TBC1D23: variants seen among roughly 807,000 people sequenced by gnomAD.
TBC1D23 encodes the protein HCV non-structural protein 4A-transactivated protein 1.
A neutral mutation model predicts 91.4 loss-of-function variants in TBC1D23; 55 were observed. The observed-to-expected ratio is 0.60, with a 90% CI of 0.48 to 0.75. TBC1D23 has a LOEUF of 0.75. Among genes scored for constraint, TBC1D23 ranks in the 30% least tolerant of loss-of-function variants. The pLI is 0.00. For synonymous variants in TBC1D23, 289 were observed against 281.0 expected (o/e 1.03, Z -0.28); for missense variants, 725 against 836.1 (o/e 0.87, Z 1.64).
At chr3:100,302,021 T>C (rs1356845452) in intron 10 of TBC1D23, 46 bp from the exon 11 acceptor site, 15 of 1,490,364 alleles carry the variant, frequency 1.0e-5, no homozygotes, top group Non-Finnish European at 1.4e-5. Flanking sequence ...CAAATATATG[T>C]GAAACACAGG....
At chr3:100,290,959 CAAAT>C (rs937651159) in intron 5 of TBC1D23, among the ~76,000 whole-genome samples, 5 of 151,680 alleles carry the variant, frequency 3.3e-5, no homozygotes, top group African/African-American at 1.2e-4. Flanking sequence ...CAACTAATTA[CAAAT>C]AAATATTACA....
chr3:100,261,134 G>A, intron 1 of TBC1D23, 63 bp downstream of exon 1: 1 of 1,510,474 alleles, frequency 6.6e-7, no homozygotes, highest in Non-Finnish European at 9.2e-7. Flanking sequence ...CATCTTGCCG[G>A]TCCCCGAGGA....
At chr3:100,284,203 A>G (rs945001354) in intron 4 of TBC1D23, among the ~76,000 whole-genome samples, 4 of 152,200 alleles carry the variant, frequency 2.6e-5, no homozygotes, top group African/African-American at 9.7e-5. Flanking sequence ...CTTTTGCCAC[A>G]GAGGGGAAAT....
Position 100,283,633 on chromosome 3 carries a change from G to T in TBC1D23, c.298G>T (p.Ala100Ser), listed in dbSNP as rs1282386486. Reference protein sequence around the residue: ...IDQLSVPEEKAAELLLDIESV... With the variant: ...IDQLSVPEEKSAELLLDIESV... ...CCAGCTTTCAGTGCCAGAGGAGAAG[G>T]CAGCAGAATTACTTTTGGATATTGA... Residue 100 changes from alanine (A) to serine (S), a missense_variant, in exon 4 of 19, where the codon GCA (alanine) becomes TCA (serine). Physicochemically the swap from Ala to Ser is moderately conservative, Grantham distance 99. Transcript: ENST00000394144. The T allele has an allele frequency of 1.9e-6, 3 of 1,613,832 alleles. No individual in the cohort carries two copies. In the South Asian group the frequency reaches 3.3e-5, roughly 18 times the overall value.
At chr3:100,310,254 A>G in intron 13 of TBC1D23, 149 bp from the exon 14 acceptor site, 6 of 696,840 alleles carry the variant, frequency 8.6e-6, no homozygotes, top group Admixed American at 5.4e-5. Flanking sequence ...CTCCAAATAC[A>G]GTCACATTCT....
chr3:100,321,405 G>T (rs1009769187), intron 18 of TBC1D23, among the ~76,000 whole-genome samples: 2 of 152,140 alleles, frequency 1.3e-5, no homozygotes, highest in African/African-American at 4.8e-5. Context: ...TTGTCTCATT[G>T]TGGGTCACTA....
chr3:100,264,089 G>A (rs2148847373), intron 1 of TBC1D23, among the ~76,000 whole-genome samples: 1 of 152,282 alleles, frequency 6.6e-6, no homozygotes. Flanking sequence ...CTTTGGGATT[G>A]GGAGCCAGAG....
chr3:100,304,581 A>G (rs1277255504), intron 11 of TBC1D23, among the ~76,000 whole-genome samples: 4 of 152,172 alleles, frequency 2.6e-5, no homozygotes, highest in Middle Eastern at 3.2e-3. Flanking sequence ...CCATTGCACT[A>G]TTGAAACAAT....
At chr3:100,280,027 A>G (rs958450824) in intron 2 of TBC1D23, among the ~76,000 whole-genome samples, 2 of 152,118 alleles carry the variant, frequency 1.3e-5, no homozygotes, top group African/African-American at 4.8e-5. Flanking sequence ...GCTCATGCCT[A>G]TAATCCCAAC....
chr3:100,268,961 A>T (rs1195050118), intron 1 of TBC1D23, among the ~76,000 whole-genome samples: 2 of 152,110 alleles, frequency 1.3e-5, no homozygotes, highest in African/African-American at 4.8e-5. Flanking sequence ...GTATCTTTTT[A>T]TTTTTTACTT....
At chr3:100,286,303 G>A (rs2067741277) in intron 4 of TBC1D23, among the ~76,000 whole-genome samples, 1 of 152,146 alleles carries the variant, frequency 6.6e-6, no homozygotes, top group African/African-American at 2.4e-5. Context: ...TCTGGAGAAT[G>A]GTGGTGATGG....
chr3:100,273,419 A>G (rs2067618055), intron 1 of TBC1D23, among the ~76,000 whole-genome samples: 2 of 152,242 alleles, frequency 1.3e-5, no homozygotes, highest in Non-Finnish European at 1.5e-5. Context: ...CACAGTAACA[A>G]TCTGATCTCT....
intron 17 of TBC1D23, among the ~76,000 whole-genome samples, chr3:100,320,001 A>G (rs999119755): frequency 6.6e-6 from 1 of 151,956 alleles, no homozygotes; most frequent in Non-Finnish European, 1.5e-5. Context: ...AGTGTCCCCA[A>G]AGTATCTTTT....
chr3:100,271,612 T>A (rs1026702591), intron 1 of TBC1D23, among the ~76,000 whole-genome samples: 1 of 152,172 alleles, frequency 6.6e-6, no homozygotes, highest in African/African-American at 2.4e-5. Flanking sequence ...TGTTTGTTTT[T>A]GGAGGGGGCT....
intron 1 of TBC1D23, among the ~76,000 whole-genome samples, chr3:100,272,848 T>C (rs909747822): frequency 1.3e-5 from 2 of 152,254 alleles, no homozygotes; most frequent in Non-Finnish European, 2.9e-5. Context: ...TACAGAGCAG[T>C]ATTGTTGCCC....
intron 16 of TBC1D23, among the ~76,000 whole-genome samples, chr3:100,316,970 C>G (rs917011874): frequency 6.6e-6 from 1 of 151,498 alleles, no homozygotes; most frequent in Non-Finnish European, 1.5e-5. Flanking sequence ...ATAATCCCAG[C>G]TAATTGGGAA....
chr3:100,278,220 T>A (rs1256655778), intron 1 of TBC1D23, among the ~76,000 whole-genome samples: 2 of 152,218 alleles, frequency 1.3e-5, no homozygotes, highest in Non-Finnish European at 2.9e-5. Flanking sequence ...GAAATCCTGA[T>A]TTCCTGATCC....
At chr3:100,319,985 A>C (rs1705821363) in intron 17 of TBC1D23, among the ~76,000 whole-genome samples, 1 of 151,774 alleles carries the variant, frequency 6.6e-6, no homozygotes, top group Non-Finnish European at 1.5e-5. Context: ...CATACCCCAA[A>C]TTTTCAGTGT....
chr3:100,301,482 A>G (rs1012194706), intron 10 of TBC1D23, among the ~76,000 whole-genome samples: 1 of 152,154 alleles, frequency 6.6e-6, no homozygotes, highest in South Asian at 2.1e-4. Context: ...GCTTTTCTAT[A>G]TGATCTGTCC....
Sources: allele counts gnomAD v4.1 joint callset (sites outside exome capture counted in the v4.1 genomes callset), GRCh38; gene constraint gnomAD v4.1.1; transcripts MANE v1.5; gene names NCBI Gene and HGNC (gene_info 2026-07-23, HGNC 2026-07-21).